The following SRPK1 variants were observed in gnomAD, a reference collection of about 807,000 sequenced individuals.
SRPK1 encodes the protein SRSF protein kinase 1.
In SRPK1, 52 loss-of-function variants were observed where a neutral mutation model predicts 89.5. The ratio of observed to expected loss-of-function variants is 0.58; its 90% CI spans 0.46 to 0.73. The LOEUF (loss-of-function observed/expected upper bound fraction) is 0.73. Among genes scored for constraint, SRPK1 ranks in the 30% least tolerant of loss-of-function variants. The pLI, the probability that SRPK1 is intolerant of heterozygous loss-of-function variation, is 0.00. For synonymous variants in SRPK1, 255 were observed against 270.2 expected (o/e 0.94, Z 0.55); for missense variants, 603 against 780.6 (o/e 0.77, Z 2.71).
chr6:35,911,874 A>G (rs1279405247), intron 2 of SRPK1, among the ~76,000 whole-genome samples: 2 of 152,204 alleles, frequency 1.3e-5, no homozygotes, highest in African/African-American at 4.8e-5. Flanking sequence ...CAATTTTGAA[A>G]TAAGTTCCTC....
At position 35,869,383 on chromosome 6, in the gene SRPK1, T is replaced by C. The variant is rs920945589; in HGVS notation, c.1411+99A>G. ...AAACGTAACTTAGACACACCTGTTG[T>C]AAAGCTATAGTTACAAAAACAATCA... On this transcript the variant is annotated intron_variant, in intron 11 of 15. Coordinates refer to ENST00000373825, the MANE Select transcript of SRPK1 (RefSeq NM_003137.5). 2.8e-6 allele frequency: 4 copies of C among 1,413,916 alleles called. 1 individual carries two copies. The African/African-American group carries it at 5.7e-5, about 20-fold the overall frequency. The allele number at this position is 1,413,916 out of a possible 1,614,324, so 87.6% of individuals were successfully genotyped here.
chr6:35,920,234 T>C (rs1463675856), intron 2 of SRPK1: 1 of 615,994 alleles, frequency 1.6e-6, no homozygotes, highest in East Asian at 3.4e-5. Context: ...GCTCTGGTCC[T>C]CCTCCGACAG....
intron 5 of SRPK1, among the ~76,000 whole-genome samples, chr6:35,887,221 T>C (rs1299577339): frequency 2.0e-5 from 3 of 152,198 alleles, no homozygotes; most frequent in African/African-American, 7.2e-5. Flanking sequence ...TGATTTACTT[T>C]TGGGTAGGTA....
Position 35,835,212 on chromosome 6 carries a change from A to C in SRPK1, c.*92T>G. Reference sequence around the variant, plus strand: ...ACAAGATCTAGAAACTCTTGAAGGAAGAGCTTCACCCTGAAAAGGGAAGAG... The same window carrying C: ...ACAAGATCTAGAAACTCTTGAAGGACGAGCTTCACCCTGAAAAGGGAAGAG... On this transcript the variant is annotated 3_prime_UTR_variant, in exon 16 of 16. Transcript: ENST00000373825. 2 of 1,138,316 alleles carry C rather than the reference A, an allele frequency of 1.8e-6. No homozygotes were observed. The highest frequency in any genetic ancestry group is 2.4e-6 in the Non-Finnish European group (2 of 820,628). The allele number at this position is 1,138,316 out of a possible 1,614,324, so 70.5% of individuals were successfully genotyped here.
chr6:35,908,272 G>T (rs1296952292), intron 2 of SRPK1, among the ~76,000 whole-genome samples: 1 of 152,226 alleles, frequency 6.6e-6, no homozygotes, highest in Non-Finnish European at 1.5e-5. Flanking sequence ...GAAGAAAACA[G>T]TAAGATGTAG....
intron 6 of SRPK1, among the ~76,000 whole-genome samples, chr6:35,879,459 C>T (rs1052391733): frequency 4.6e-5 from 7 of 151,828 alleles, no homozygotes; most frequent in African/African-American, 1.7e-4. Context: ...GGCAGGAGGA[C>T]TACTTGATTC....
chr6:35,872,412 C>T, intron 8 of SRPK1, 151 bp downstream of exon 8: 1 of 695,882 alleles, frequency 1.4e-6, no homozygotes, highest in Non-Finnish European at 2.2e-6. Flanking sequence ...ATGGAAGTAA[C>T]AGTGAGAATG....
At chr6:35,904,325 G>A (rs1208980094) in intron 2 of SRPK1, among the ~76,000 whole-genome samples, 1 of 151,832 alleles carries the variant, frequency 6.6e-6, no homozygotes, top group Non-Finnish European at 1.5e-5. Context: ...CCTCCACTAC[G>A]AGGCCCATGG....
At chr6:35,878,301 T>C (rs1179545183) in intron 6 of SRPK1, among the ~76,000 whole-genome samples, 2 of 152,138 alleles carry the variant, frequency 1.3e-5, no homozygotes, top group Non-Finnish European at 2.9e-5. Flanking sequence ...TGATGCCAGG[T>C]AATAAACTGC....
At chr6:35,852,492 A>G (rs574268680) in intron 13 of SRPK1, among the ~76,000 whole-genome samples, 1 of 152,338 alleles carries the variant, frequency 6.6e-6, no homozygotes, top group East Asian at 1.9e-4. Flanking sequence ...AATTGTACAA[A>G]AAGAACTCAA....
chr6:35,883,970 T>C (rs1028088821), intron 6 of SRPK1, among the ~76,000 whole-genome samples: 4 of 152,072 alleles, frequency 2.6e-5, no homozygotes, highest in Non-Finnish European at 5.9e-5. Flanking sequence ...CCTGACCTCG[T>C]GATCCGCCCA....
At chr6:35,887,229 G>A (rs899073501) in intron 5 of SRPK1, among the ~76,000 whole-genome samples, 1 of 152,046 alleles carries the variant, frequency 6.6e-6, no homozygotes, top group African/African-American at 2.4e-5. Context: ...TTTTGGGTAG[G>A]TACAAGGCTC....
intron 2 of SRPK1, among the ~76,000 whole-genome samples, chr6:35,894,211 A>C (rs1055401078): frequency 6.6e-6 from 1 of 152,156 alleles, no homozygotes; most frequent in Non-Finnish European, 1.5e-5. Context: ...TGCATTCAGG[A>C]GAAAGACCAA....
intron 2 of SRPK1, among the ~76,000 whole-genome samples, chr6:35,909,774 T>A (rs1770923133): frequency 6.6e-6 from 1 of 152,168 alleles, no homozygotes; most frequent in African/African-American, 2.4e-5. Flanking sequence ...TCCTTGCTGT[T>A]GCACACACTT....
In SRPK1 at chr6:35,899,279, C is replaced by G. The variant is rs140171948; in HGVS notation, c.75-8266G>C. 2.0e-5 allele frequency among the ~76,000 whole-genome samples: 3 copies of G among 152,274 alleles called. No homozygotes were observed. The East Asian group carries it at 5.8e-4, about 29-fold the overall frequency. On this transcript the variant is annotated intron_variant, in intron 2 of 15. Transcript: ENST00000373825. ...TACGTGATCTGTCTCTTCATTGCCC[C>G]CTCCAACCCATCTCTCTATACATAT...
At chr6:35,870,600 C>A (rs944725020) in intron 9 of SRPK1, 106 bp from the exon 10 acceptor site, 2 of 1,050,830 alleles carry the variant, frequency 1.9e-6, no homozygotes, top group African/African-American at 1.6e-5. Context: ...TTTCACAAAT[C>A]TTTCCCTAAC....
In SRPK1 at chr6:35,886,776, T is replaced by C; in HGVS notation, c.426A>G (p.Glu142=). The C allele has an allele frequency of 6.2e-7, 1 of 1,611,550 alleles. No individual in the cohort carries two copies. Among genetic ancestry groups the C allele is most frequent in the Non-Finnish European group, 8.5e-7 (1 of 1,177,854 alleles). ...RNSDPNDPNR[E]MVVQLLDDFK... ...AGTCATCTAGTAGTTGAACAACCAT[T>C]TCTCTATTTGGATCATTAGGGTCTG... The change falls in exon 6 of 16, where the codon GAA becomes GAG. Residue 142 remains glutamate, a synonymous_variant. Transcript: ENST00000373825.
Position 35,842,612 on chromosome 6 carries a change from A to G in SRPK1, c.1621-8T>C. On this transcript the variant is annotated splice_polypyrimidine_tract_variant and splice_region_variant and intron_variant, in intron 13 of 15. Coordinates refer to ENST00000373825, the MANE Select transcript of SRPK1 (RefSeq NM_003137.5). ...TGTGGCCAGTTCAAAGGCCTAAAAA[A>G]AAAAGAGGACAGTATATGAAAGCAC... 1 of 1,602,860 alleles carries G rather than the reference A, an allele frequency of 6.2e-7. No individual in the cohort carries two copies. Among genetic ancestry groups the G allele is most frequent in the Non-Finnish European group, 8.5e-7 (1 of 1,175,918 alleles).
chr6:35,920,523 C>A lies in SRPK1; in HGVS notation c.19G>T (p.Ala7Ser). ...GTCCTTTTCTTTCGGGCCTGGAGCG[C>A]AAGCACTGCAGGAGAGAGGGATGGA... MERKVLALQARKKRTKA... is the reference protein window; with the variant it reads MERKVLSLQARKKRTKA... Residue 7 changes from alanine to serine, a missense_variant, in exon 2 of 16, where the codon GCG (alanine) becomes TCG (serine). Ala to Ser is a moderately conservative substitution (Grantham distance 99). Coordinates refer to ENST00000373825, the MANE Select transcript of SRPK1 (RefSeq NM_003137.5). 6.2e-7 allele frequency: 1 copy of A among 1,613,234 alleles called. No homozygotes were observed. The highest frequency in any genetic ancestry group is 8.5e-7 in the Non-Finnish European group (1 of 1,179,438).
Sources: gnomAD v4.1 joint callset for allele counts (sites outside exome capture counted in the v4.1 genomes callset) on GRCh38, gnomAD v4.1.1 for gene constraint, MANE v1.5 for transcripts, NCBI Gene and HGNC (gene_info 2026-07-23, HGNC 2026-07-21) for gene names.